Variants in LRRFIP1 observed in about 807,000 individuals in gnomAD.
The protein encoded by LRRFIP1 is LRR binding FLII interacting protein 1.
Under a neutral mutation model 104.4 loss-of-function variants are expected in LRRFIP1, and 62 were observed. The observed-to-expected ratio is 0.59, with a 90% CI of 0.48 to 0.73. The LOEUF is 0.73. Ranked by LOEUF, LRRFIP1 falls within the 30% of genes least tolerant of loss-of-function variation. LRRFIP1 has a pLI of 0.00. For missense variants in LRRFIP1, 796 were observed against 824.5 expected (o/e 0.97, Z 0.42); for synonymous variants, 300 against 299.0 (o/e 1.00, Z -0.03).
chr2:237,663,098 T>G (rs960353526), intron 1 of LRRFIP1, among the ~76,000 whole-genome samples: 2 of 152,228 alleles, frequency 1.3e-5, no homozygotes, highest in African/African-American at 4.8e-5. Flanking sequence ...TGTTTTCTTC[T>G]ACCTATGACT....
At chr2:237,697,082 C>T (rs1275833233) in intron 1 of LRRFIP1, among the ~76,000 whole-genome samples, 1 of 152,156 alleles carries the variant, frequency 6.6e-6, no homozygotes, top group Non-Finnish European at 1.5e-5. Flanking sequence ...AATGCAATGG[C>T]ACAATCTCAG....
Position 237,748,385 on chromosome 2 carries a change from G to A in LRRFIP1, c.655G>A (p.Asp219Asn). The A allele has an allele frequency of 1.2e-6, 2 of 1,605,410 alleles. No individual in the cohort carries two copies. The highest frequency in any genetic ancestry group is 1.7e-6 in the Non-Finnish European group (2 of 1,177,274). ...SPVVEERPEK[D>N]FTEKGSRNMP... ...ACAGGTAGAAGAGAGACCAGAAAAA[G>A]ATTTTACTGAGAAGGTAAGGAATCG... The change falls in exon 12 of 24, where the codon GAT (aspartate) becomes AAT (asparagine). Residue 219 changes from aspartate (D) to asparagine (N), a missense_variant. Coordinates refer to ENST00000308482, the MANE Select transcript of LRRFIP1 (RefSeq NM_001137550.2).
At chr2:237,696,706 C>T (rs966144061) in intron 1 of LRRFIP1, among the ~76,000 whole-genome samples, 16 of 152,244 alleles carry the variant, frequency 1.1e-4, no homozygotes, top group African/African-American at 3.6e-4. Flanking sequence ...CCTGCTGACT[C>T]GGAACTGGTA....
intron 8 of LRRFIP1, among the ~76,000 whole-genome samples, chr2:237,731,138 C>T (rs1421260901): frequency 3.9e-5 from 6 of 152,182 alleles, no homozygotes; most frequent in Admixed American, 2.6e-4. Context: ...GCAGCTCCCA[C>T]GCTGAAATCA....
rs924063741 is a variant in LRRFIP1, at chr2:237,703,352, G to T, written c.97-5192G>T. ...AAGCAGCCTGTCAACTCACTTCCTT[G>T]GTTTCCTGTTGCTCTTCCCACCCCA... On this transcript the variant is annotated intron_variant, in intron 1 of 23. Coordinates refer to ENST00000308482, the MANE Select transcript of LRRFIP1 (RefSeq NM_001137550.2). The surrounding 1 kb of genome is among the most constrained non-coding windows in gnomAD (Gnocchi z 4.3). 6.6e-6 allele frequency among the ~76,000 whole-genome samples: 1 copy of T among 152,230 alleles called. No homozygotes were observed. The highest frequency in any genetic ancestry group is 1.9e-4 in the East Asian group (1 of 5,184).
rs146807266 is a variant in LRRFIP1, at chr2:237,766,102, A to C, written c.1460-3841A>C. The stretch of plus-strand genomic sequence containing the variant: ...TCCTGGCATCGAGCCTGGGGCTAGC[A>C]TGGGCATTACTGGGAGAACTGAGAC... On this transcript the variant is annotated intron_variant, in intron 19 of 23. Transcript: ENST00000308482. This position sits in a 1 kb window ranked among gnomAD's most constrained non-coding sequence, Gnocchi z 4.8. 1.3e-3 allele frequency among the ~76,000 whole-genome samples: 205 copies of C among 152,280 alleles called. No individual in the cohort carries two copies. The highest frequency in any genetic ancestry group is 4.7e-3 in the African/African-American group (196 of 41,550).
intron 1 of LRRFIP1, among the ~76,000 whole-genome samples, chr2:237,648,445 G>T (rs139917284): frequency 6.6e-6 from 1 of 151,792 alleles, no homozygotes; most frequent in Non-Finnish European, 1.5e-5. Context: ...GATGCCTCAC[G>T]GCCAGGTGCC....
rs1016540610 is a variant in LRRFIP1, at chr2:237,708,616, C to T, written c.169C>T (p.Arg57Trp). Residue 57 changes from arginine to tryptophan, a missense_variant, in exon 2 of 24, where the codon CGG (arginine) becomes TGG (tryptophan). Arg to Trp is a moderately radical substitution (Grantham distance 101). Coordinates refer to ENST00000308482, the MANE Select transcript of LRRFIP1 (RefSeq NM_001137550.2). ...CGAGATCCGCATGAAGGAGCTGGAG[C>T]GGCAGCAGAAGGAGGTAACGCTTGG... is the stretch of plus-strand genomic sequence containing the variant. ...AREIRMKELERQQKEIYQVQK... is the reference protein window; with the variant it reads ...AREIRMKELEWQQKEIYQVQK... The T allele has an allele frequency of 1.9e-5, 31 of 1,599,000 alleles. No individual in the cohort carries two copies. The highest frequency in any genetic ancestry group is 1.1e-4 in the African/African-American group (8 of 74,812).
chr2:237,758,857 AG>A (rs1203727691), intron 18 of LRRFIP1, 36 bp downstream of exon 18: 4 of 1,457,020 alleles, frequency 2.7e-6, no homozygotes, highest in Admixed American at 2.1e-5. Context: ...TTAAAAAAAA[AG>A]AAAAAAAATC....
In LRRFIP1 at chr2:237,733,807, G is replaced by A. The variant is rs1000977381; in HGVS notation, c.478G>A (p.Gly160Arg). 6.2e-7 allele frequency: 1 copy of A among 1,613,980 alleles called. No individual in the cohort carries two copies. Among genetic ancestry groups the A allele is most frequent in the African/African-American group, 1.3e-5 (1 of 75,054 alleles). The change falls in exon 9 of 24, where the codon GGG becomes AGG. Residue 160 changes from glycine to arginine, a missense_variant. By Grantham distance (125) the Gly-to-Arg change is moderately radical (BLOSUM62 -2). Coordinates refer to ENST00000308482, the MANE Select transcript of LRRFIP1 (RefSeq NM_001137550.2). The part of the protein sequence containing the change: ...SCLYSAARPS[G>R]SYRASVLDEG... ...TCTGTACAGCGCTGCCCGGCCTTCG[G>A]GGAGTTACCGGGTGCGTGTGCTGCC...
At position 237,781,091 on chromosome 2, in the gene LRRFIP1, A is replaced by G. The variant is rs1276417264; in HGVS notation, c.*1559A>G. On this transcript the variant is annotated 3_prime_UTR_variant, in exon 24 of 24. Transcript: ENST00000308482. Reference sequence around the variant, plus strand: ...GCCCCTCAGGGACCCTGTGCTGACCATGCTGGGCCCACCGGCAAAAGGGAG... The same window carrying G: ...GCCCCTCAGGGACCCTGTGCTGACCGTGCTGGGCCCACCGGCAAAAGGGAG... 2.0e-5 allele frequency among the ~76,000 whole-genome samples: 3 copies of G among 152,016 alleles called. No homozygotes were observed. The highest frequency in any genetic ancestry group is 2.0e-4 in the Admixed American group (3 of 15,284).
intron 1 of LRRFIP1, among the ~76,000 whole-genome samples, chr2:237,693,339 T>C (rs2092944756): frequency 6.6e-6 from 1 of 152,226 alleles, no homozygotes; most frequent in South Asian, 2.1e-4. Flanking sequence ...AATCATCTAC[T>C]GGGTGTGTGT....
chr2:237,690,470 C>T (rs2092682678), intron 1 of LRRFIP1, among the ~76,000 whole-genome samples: 1 of 152,202 alleles, frequency 6.6e-6, no homozygotes, highest in Non-Finnish European at 1.5e-5. Flanking sequence ...GGCGCGGTGG[C>T]TCACACCTGT....
At position 237,766,299 on chromosome 2, in the gene LRRFIP1, A is replaced by G. The variant is rs562638858; in HGVS notation, c.1460-3644A>G. ...CTGCTCAAGTGTCCTGAAGTAGAGG[A>G]TGGTGGGGATGATAAATGCTTGCTA... is the stretch of plus-strand genomic sequence containing the variant. On this transcript the variant is annotated intron_variant, in intron 19 of 23. Transcript: ENST00000308482. The surrounding 1 kb of genome is among the most constrained non-coding windows in gnomAD (Gnocchi z 4.8). 3.3e-4 allele frequency among the ~76,000 whole-genome samples: 51 copies of G among 152,278 alleles called. 1 individual carries two copies. In the South Asian group the frequency reaches 0.01, roughly 31 times the overall value.
rs557650644 is a variant in LRRFIP1 at position 237,647,877 on chromosome 2, A to G, written c.96+20137A>G. Among the ~76,000 whole-genome samples, 158 of 152,184 alleles carry G rather than the reference A, an allele frequency of 1.0e-3. 3 individuals carry two copies. Among genetic ancestry groups the G allele is most frequent in the South Asian group, 2.9e-3 (14 of 4,822 alleles). ...AGGGTTTTGCTGTCTTTATGTCTTC[A>G]GGGCATTTCCATGAGAAGTGGAGGC... On this transcript the variant is annotated intron_variant, in intron 1 of 23. Coordinates refer to ENST00000308482, the MANE Select transcript of LRRFIP1 (RefSeq NM_001137550.2).
At position 237,769,944 on chromosome 2, in the gene LRRFIP1, T is replaced by C. The variant is rs748978174; in HGVS notation, c.1461T>C (p.Asp487=). The C allele has an allele frequency of 2.5e-6, 4 of 1,600,702 alleles. No homozygotes were observed. The highest frequency in any genetic ancestry group is 3.4e-6 in the Non-Finnish European group (4 of 1,172,514). The part of the protein sequence containing the change: ...ALKSTGDGTL[D]IRLKKLVDER... ...CCTGTGTCTTTGTGATTTCTTTAGA[T>C]ATTAGGTTGAAAAAGCTGGTTGATG... is the stretch of plus-strand genomic sequence containing the variant. Residue 487 remains aspartate, a splice_region_variant and synonymous_variant, in exon 20 of 24, where the codon GAT becomes GAC. Coordinates refer to ENST00000308482, the MANE Select transcript of LRRFIP1 (RefSeq NM_001137550.2).
chr2:237,654,251 GA>G (rs532070160), intron 1 of LRRFIP1, among the ~76,000 whole-genome samples: 87 of 149,974 alleles, frequency 5.8e-4, no homozygotes, highest in African/African-American at 1.9e-3. Context: ...ATAGATACGT[GA>G]AAAAAAAATG....
intron 8 of LRRFIP1, among the ~76,000 whole-genome samples, 199 bp from the exon 9 acceptor site, chr2:237,733,575 A>G (rs1434386921): frequency 6.6e-6 from 1 of 152,234 alleles, no homozygotes. Flanking sequence ...AAATCATCTC[A>G]GTTATCTTTC....
chr2:237,732,976 C>A (rs145745215), intron 8 of LRRFIP1, among the ~76,000 whole-genome samples: 494 of 152,288 alleles, frequency 3.2e-3, no homozygotes, highest in Non-Finnish European at 5.2e-3. Context: ...CCAAGGAAGT[C>A]GGTGTCAGAG....
Sources: gnomAD v4.1 joint callset for allele counts (sites outside exome capture counted in the v4.1 genomes callset) on GRCh38, gnomAD v4.1.1 for gene constraint, Gnocchi (gnomAD v3.1) non-coding constraint, MANE v1.5 for transcripts, NCBI Gene and HGNC (gene_info 2026-07-23, HGNC 2026-07-21) for gene names.